Variants in MBNL3 observed in about 807,000 individuals in gnomAD.
MBNL3 encodes the protein muscleblind-like protein 3.
In MBNL3, 6 loss-of-function variants were observed where a neutral mutation model predicts 24.5. The ratio of observed to expected loss-of-function variants is 0.25; its 90% CI spans 0.13 to 0.48. The LOEUF (loss-of-function observed/expected upper bound fraction) is 0.48, where lower values mean the gene tolerates loss of function less well. Among genes scored for constraint, MBNL3 ranks in the 20% least tolerant of loss-of-function variants. The pLI is 0.99. For missense variants in MBNL3, 230 were observed against 293.5 expected (o/e 0.78, Z 1.58); for synonymous variants, 100 against 101.7 (o/e 0.98, Z 0.10).
intron 1 of MBNL3, among the ~76,000 whole-genome samples, chrX:132,480,899 A>AG (rs1947694746): frequency 1.8e-5 from 2 of 111,442 alleles, no homozygotes; most frequent in South Asian, 7.6e-4. Flanking sequence ...GTGGTGGGGG[A>AG]GGGACCTTGA....
At position 132,375,791 on chromosome X, in the gene MBNL3, T is replaced by C. The variant is rs1367384287; in HGVS notation, c.*3875A>G. The C allele has an allele frequency of 1.8e-5, 2 of 111,454 alleles. No individual in the cohort carries two copies. The highest frequency in any genetic ancestry group is 3.7e-4 in the South Asian group (1 of 2,673). The allele number at this position is 111,454 out of a possible 1,213,427, so 9.2% of individuals were successfully genotyped here. A position where few individuals can be genotyped will look rare whatever the true frequency, so the allele number is the denominator to read the frequency against. On this transcript the variant is annotated 3_prime_UTR_variant, in exon 9 of 9. Coordinates refer to ENST00000370853, the MANE Select transcript of MBNL3 (RefSeq NM_001386889.1). Reference sequence around the variant, plus strand: ...CAGTTTCTAATCATTCTGTACCTCATAGCCTACCCTACAGACTAAAGGAAC... The same window carrying C: ...CAGTTTCTAATCATTCTGTACCTCACAGCCTACCCTACAGACTAAAGGAAC...
At chrX:132,477,144 A>C (rs1678258517) in intron 1 of MBNL3, among the ~76,000 whole-genome samples, 1 of 112,397 alleles carries the variant, frequency 8.9e-6, no homozygotes, top group South Asian at 3.7e-4. Flanking sequence ...ATCGTCATAA[A>C]CAGAATAACG....
intron 1 of MBNL3, among the ~76,000 whole-genome samples, chrX:132,459,437 C>T (rs1479152376): frequency 9.0e-6 from 1 of 111,217 alleles, no homozygotes; most frequent in Non-Finnish European, 1.9e-5. Context: ...ATGGAATGTG[C>T]TTCCTTAGAA....
chrX:132,468,696 G>A (rs773479729), intron 1 of MBNL3, among the ~76,000 whole-genome samples: 11 of 111,994 alleles, frequency 9.8e-5, no homozygotes, highest in Non-Finnish European at 1.9e-4. Context: ...AACTTGGTTC[G>A]AGATTATGCA....
In MBNL3 at chrX:132,374,283, GGTGTGTGTGTGT is replaced by G. The variant is rs35708003; in HGVS notation, c.*5371_*5382del. 9.6e-6 allele frequency: 1 copy of G among 104,017 alleles called. No homozygotes were observed. The highest frequency in any genetic ancestry group is 2.0e-5 in the Non-Finnish European group (1 of 50,578). 8.6% of individuals were successfully genotyped at this position (104,017 alleles called of 1,213,427 possible). A position where few individuals can be genotyped will look rare whatever the true frequency, so the allele number is the denominator to read the frequency against. ...GGAAAACTTGTTCTAGAAACTGCCC[GGTGTGTGTGTGT>G]GTGTGTGTGTGTGCACACGTGTGTG... On this transcript the variant is annotated 3_prime_UTR_variant, in exon 9 of 9. Coordinates refer to ENST00000370853, the MANE Select transcript of MBNL3 (RefSeq NM_001386889.1).
At chrX:132,379,783 A>G (rs1934398914) in intron 8 of MBNL3, 106 bp from the exon 9 acceptor site, 1 of 575,181 alleles carries the variant, frequency 1.7e-6, no homozygotes, top group Admixed American at 3.5e-5. Flanking sequence ...TCTGTCTGTT[A>G]ACAGTGCCAA....
intron 3 of MBNL3, among the ~76,000 whole-genome samples, chrX:132,396,315 AATATATATTCATATATATTC>A (rs1273901593): frequency 9.7e-5 from 8 of 82,587 alleles, no homozygotes; most frequent in Non-Finnish European, 1.5e-4. Flanking sequence ...TAAAGCACCA[AATATATATTCATATATATTC>A]ATATATATTC....
chrX:132,384,511 A>C, intron 7 of MBNL3, 152 bp downstream of exon 7: 1 of 476,016 alleles, frequency 2.1e-6, no homozygotes, highest in East Asian at 4.3e-5. Context: ...TTTTGATGCT[A>C]CAAAGACATA....
At chrX:132,394,277 C>G (rs987480395) in intron 3 of MBNL3, among the ~76,000 whole-genome samples, 2 of 111,760 alleles carry the variant, frequency 1.8e-5, no homozygotes, top group Non-Finnish European at 3.8e-5. Flanking sequence ...ATACGGGATA[C>G]TTGTCATGGA....
chrX:132,489,437 C>T (rs973674749), upstream of MBNL3, among the ~76,000 whole-genome samples: 1 of 111,743 alleles, frequency 8.9e-6, no homozygotes, highest in African/African-American at 3.2e-5. Context: ...GGAGGCCGGG[C>T]GTGGGGCTCC....
chrX:132,380,356 G>T (rs1404658218), intron 8 of MBNL3, among the ~76,000 whole-genome samples: 2 of 112,048 alleles, frequency 1.8e-5, no homozygotes, highest in Non-Finnish European at 3.8e-5. Context: ...CATGTTTAGT[G>T]CTATTTCCAA....
intron 6 of MBNL3, 142 bp downstream of exon 6, chrX:132,386,519 G>C (rs903974763): frequency 3.1e-6 from 2 of 637,539 alleles, no homozygotes; most frequent in Non-Finnish European, 4.5e-6. Context: ...GATACTAGCA[G>C]ATAAGCATAA....
In MBNL3 at chrX:132,462,008, GA is replaced by G. The variant is rs1326034432; in HGVS notation, c.-703-21695del. 2.7e-5 allele frequency among the ~76,000 whole-genome samples: 3 copies of G among 111,823 alleles called. No homozygotes were observed. In the Admixed American group the frequency reaches 2.9e-4, roughly 11 times the overall value. On this transcript the variant is annotated intron_variant, in intron 1 of 8. Coordinates refer to ENST00000370853, the MANE Select transcript of MBNL3 (RefSeq NM_001386889.1). ...CTTTAATATGAAAGCCTGAGTTACA[GA>G]CTCACAATGTGGGCAGTGATGATCT...
At chrX:132,388,359 GC>G (rs1420582657) in intron 5 of MBNL3, among the ~76,000 whole-genome samples, 1 of 112,281 alleles carries the variant, frequency 8.9e-6, no homozygotes, top group African/African-American at 3.2e-5. Context: ...CATTTCGAAT[GC>G]CTTTTATTAC....
intron 1 of MBNL3, among the ~76,000 whole-genome samples, 70 bp from the exon 2 acceptor site, chrX:132,440,384 AAAG>A (rs1945329871): frequency 8.9e-6 from 1 of 112,159 alleles, no homozygotes; most frequent in Admixed American, 9.5e-5. Flanking sequence ...TAGATTTGGA[AAAG>A]AAGTAACTAT....
rs1292785743 is a variant in MBNL3 at position 132,373,926 on chromosome X, T to G, written c.*5740A>C. 1 of 111,644 alleles carries G rather than the reference T, an allele frequency of 9.0e-6. No homozygotes were observed. 9.2% of individuals were successfully genotyped at this position (111,644 alleles called of 1,213,427 possible). A position where few individuals can be genotyped will look rare whatever the true frequency, so the allele number is the denominator to read the frequency against. ...CAAAAAACAGCTTCCACTGAACAGG[T>G]ATAATGTAAATGAAGCCAGTTATAA... On this transcript the variant is annotated 3_prime_UTR_variant, in exon 9 of 9. Coordinates refer to ENST00000370853, the MANE Select transcript of MBNL3 (RefSeq NM_001386889.1).
At chrX:132,426,527 C>T (rs188996819) in intron 2 of MBNL3, among the ~76,000 whole-genome samples, 1 of 111,549 alleles carries the variant, frequency 9.0e-6, no homozygotes, top group African/African-American at 3.3e-5. Context: ...ATTTCTCATG[C>T]TTCAGCCATT....
chrX:132,449,574 C>T (rs1228950834), intron 1 of MBNL3, among the ~76,000 whole-genome samples: 1 of 100,303 alleles, frequency 1.0e-5, no homozygotes, highest in Non-Finnish European at 2.0e-5. Context: ...CTCCTGAATA[C>T]AGCACACTGA....
At chrX:132,392,031 T>C (rs1434220868) in intron 4 of MBNL3, 112 bp downstream of exon 4, 4 of 649,968 alleles carry the variant, frequency 6.2e-6, no homozygotes, top group Non-Finnish European at 9.1e-6. Context: ...CCCTATAAGC[T>C]AAGAAATTTG....
Sources: allele counts gnomAD v4.1 joint callset (sites outside exome capture counted in the v4.1 genomes callset), GRCh38; gene constraint gnomAD v4.1.1; transcripts MANE v1.5; gene names NCBI Gene and HGNC (gene_info 2026-07-23, HGNC 2026-07-21).